The following PLXNA4 variants were observed in gnomAD, a reference collection of about 807,000 sequenced individuals.
PLXNA4 encodes plexin-A4.
Under a neutral mutation model 191.8 loss-of-function variants are expected in PLXNA4, and 44 were observed. That is an observed-to-expected ratio of 0.23 (90% CI 0.18 to 0.29). PLXNA4 has a LOEUF of 0.29. Ranked by LOEUF, PLXNA4 falls within the 10% of genes least tolerant of loss-of-function variation. PLXNA4 has a pLI of 1.00. For missense variants in PLXNA4, 1,800 were observed against 2,488.8 expected (o/e 0.72, Z 5.89); for synonymous variants, 1,082 against 1,009.5 (o/e 1.07, Z -1.36).
At chr7:132,411,110 T>C (rs546833997) in intron 3 of PLXNA4, among the ~76,000 whole-genome samples, 1 of 152,336 alleles carries the variant, frequency 6.6e-6, no homozygotes, top group South Asian at 2.1e-4. Context: ...TGATCTCATG[T>C]TTTCACTTTA....
At chr7:132,403,946 C>T (rs891043827) in intron 3 of PLXNA4, among the ~76,000 whole-genome samples, 3 of 152,072 alleles carry the variant, frequency 2.0e-5, no homozygotes, top group East Asian at 1.9e-4. Context: ...TCAGTAGGGG[C>T]GGGACTCAGG....
intron 30 of PLXNA4, among the ~76,000 whole-genome samples, chr7:132,134,297 A>G (rs557485337): frequency 9.2e-5 from 14 of 152,298 alleles, no homozygotes; most frequent in African/African-American, 3.4e-4. Flanking sequence ...TTCTCCAACC[A>G]GGACCCTGTC....
At chr7:132,426,418 G>T (rs923970164) in intron 3 of PLXNA4, among the ~76,000 whole-genome samples, 1 of 152,216 alleles carries the variant, frequency 6.6e-6, no homozygotes. Context: ...AGTGTGACCA[G>T]CGCTGTCATG....
At position 132,380,427 on chromosome 7, in the gene PLXNA4, T is replaced by C. The variant is rs199916701; in HGVS notation, c.1372-82205A>G. Among the ~76,000 whole-genome samples, 20 of 152,100 alleles carry C rather than the reference T, an allele frequency of 1.3e-4. No homozygotes were observed. In the East Asian group the frequency reaches 3.9e-3, roughly 29 times the overall value. ...TCCCTGACATGGCTGTGGAAGCAGA[T>C]GGATGGAATCAGAGAACCCGCCCAG... On this transcript the variant is annotated intron_variant, in intron 3 of 31. Transcript: ENST00000321063.
chr7:132,176,757 T>C (rs1285911777), intron 20 of PLXNA4, among the ~76,000 whole-genome samples: 1 of 151,988 alleles, frequency 6.6e-6, no homozygotes, highest in African/African-American at 2.4e-5. Flanking sequence ...AGTGCCTGCG[T>C]GGGTGTGAGT....
rs754094263 is a variant in PLXNA4 at position 132,146,468 on chromosome 7, A to G, written c.5055+42T>C. The G allele has an allele frequency of 5.6e-6, 9 of 1,614,100 alleles. No individual in the cohort carries two copies. In the South Asian group the frequency reaches 7.7e-5, roughly 14 times the overall value. On this transcript the variant is annotated intron_variant, in intron 28 of 31. Transcript: ENST00000321063. ...CTGTGGGCTGATGAAGTCCCTCTCC[A>G]TAGCCTCTGGGCTCCCTGCACCCAG...
chr7:132,276,938 G>A (rs2116367023), intron 4 of PLXNA4, among the ~76,000 whole-genome samples: 1 of 152,216 alleles, frequency 6.6e-6, no homozygotes, highest in East Asian at 1.9e-4. Flanking sequence ...GAGGTGCTGA[G>A]CCCCTAGATG....
At chr7:132,459,904 T>C (rs1033071513) in intron 3 of PLXNA4, among the ~76,000 whole-genome samples, 2 of 152,210 alleles carry the variant, frequency 1.3e-5, no homozygotes, top group African/African-American at 4.8e-5. Context: ...TTAAATTCAT[T>C]GTGTACAAGA....
chr7:132,368,828 C>T (rs1288203662), intron 3 of PLXNA4, among the ~76,000 whole-genome samples: 2 of 152,180 alleles, frequency 1.3e-5, no homozygotes, highest in Non-Finnish European at 2.9e-5. Context: ...TCACCAGCCG[C>T]CAGCCATGTG....
intron 3 of PLXNA4, among the ~76,000 whole-genome samples, chr7:132,442,263 A>G (rs998190377): frequency 6.6e-6 from 1 of 152,180 alleles, no homozygotes; most frequent in African/African-American, 2.4e-5. Flanking sequence ...TTCTTGTGTC[A>G]GGGCCACAGA....
chr7:132,224,050 C>T (rs1798232779), intron 8 of PLXNA4, among the ~76,000 whole-genome samples: 2 of 152,162 alleles, frequency 1.3e-5, no homozygotes, highest in Admixed American at 6.5e-5. Flanking sequence ...GCCACCTGCA[C>T]CTTGCCTCAG....
chr7:132,590,496 G>A lies in PLXNA4; in HGVS notation c.-87+55432C>T, dbSNP rs139703618. 4.6e-3 allele frequency among the ~76,000 whole-genome samples: 698 copies of A among 152,332 alleles called. 6 individuals carry two copies. The highest frequency in any genetic ancestry group is 0.016 in the African/African-American group (670 of 41,572). Reference sequence around the variant, plus strand: ...CCAAAACCTCTGAAGTAGGGAAGCCGACAGTGCAGCCTCCAGTCTGTGGTG... The same window carrying A: ...CCAAAACCTCTGAAGTAGGGAAGCCAACAGTGCAGCCTCCAGTCTGTGGTG... On this transcript the variant is annotated intron_variant, in intron 2 of 4. Coordinates refer to the PLXNA4 transcript ENST00000378539.
chr7:132,207,875 G>A (rs550337208), intron 10 of PLXNA4, among the ~76,000 whole-genome samples: 1 of 152,314 alleles, frequency 6.6e-6, no homozygotes, highest in African/African-American at 2.4e-5. Flanking sequence ...AGTGCCCTTC[G>A]CTGCTGTTCT....
intron 3 of PLXNA4, among the ~76,000 whole-genome samples, chr7:132,403,551 G>C (rs1326522913): frequency 6.6e-6 from 1 of 152,168 alleles, no homozygotes; most frequent in Non-Finnish European, 1.5e-5. Context: ...ACTTCTTACT[G>C]ATCGCGTTTG....
chr7:132,441,518 C>G (rs906151514), intron 3 of PLXNA4, among the ~76,000 whole-genome samples: 1 of 152,190 alleles, frequency 6.6e-6, no homozygotes, highest in Admixed American at 6.5e-5. Context: ...GCTAGGAGCA[C>G]GTTGCGCTCC....
chr7:132,635,681 T>C (rs1019560500), intron 2 of PLXNA4, among the ~76,000 whole-genome samples: 3 of 152,120 alleles, frequency 2.0e-5, no homozygotes. Context: ...TCTGTCAGGC[T>C]GGCCTCAAAC....
intron 2 of PLXNA4, among the ~76,000 whole-genome samples, chr7:132,592,570 T>A (rs892049021): frequency 1.3e-5 from 2 of 151,934 alleles, no homozygotes; most frequent in African/African-American, 4.8e-5. Flanking sequence ...AAACCCACAT[T>A]AAATTCTCGT....
chr7:132,470,842 C>T (rs1306940994), intron 3 of PLXNA4, among the ~76,000 whole-genome samples: 4 of 152,144 alleles, frequency 2.6e-5, no homozygotes, highest in African/African-American at 9.7e-5. Flanking sequence ...TCTCCTAGAA[C>T]CTCCAAAAAG....
intron 3 of PLXNA4, among the ~76,000 whole-genome samples, chr7:132,476,032 G>A (rs1331197319): frequency 6.6e-6 from 1 of 152,184 alleles, no homozygotes; most frequent in Non-Finnish European, 1.5e-5. Context: ...AGGCTCTGCC[G>A]GTTCCTATGC....
Sources: allele counts gnomAD v4.1 joint callset (sites outside exome capture counted in the v4.1 genomes callset), GRCh38; gene constraint gnomAD v4.1.1; transcripts MANE v1.5; gene names NCBI Gene and HGNC (gene_info 2026-07-23, HGNC 2026-07-21).